Variants in AP2B1 observed in about 807,000 individuals in gnomAD.
AP2B1 encodes adaptor related protein complex 2 subunit beta 1.
In AP2B1, 23 loss-of-function variants were observed where a neutral mutation model predicts 102.0. The ratio of observed to expected loss-of-function variants is 0.23; its 90% CI spans 0.16 to 0.32. The LOEUF is 0.32. AP2B1 is among the 10% of genes least tolerant of loss of function. The pLI, the probability that AP2B1 is intolerant of heterozygous loss-of-function variation, is 1.00. For synonymous variants in AP2B1, 381 were observed against 421.2 expected, an observed-to-expected ratio of 0.90 and a Z score of 1.17; for missense variants, 541 against 1,157.4, an observed-to-expected ratio of 0.47 and a Z score of 7.73.
rs139420802 is a variant in AP2B1, at chr17:35,713,291, G to A, written c.2626+2971G>A. On this transcript the variant is annotated intron_variant, in intron 20 of 21. Transcript: ENST00000610402. Reference sequence around the variant, plus strand: ...TGATACACTGCTCTGTGGCCATGCCGCACATGAAACATAGGGGAAAACAGT... The same window carrying A: ...TGATACACTGCTCTGTGGCCATGCCACACATGAAACATAGGGGAAAACAGT... Among the ~76,000 whole-genome samples, 874 of 152,278 alleles carry A rather than the reference G, an allele frequency of 5.7e-3. 4 individuals are homozygous for A. Among genetic ancestry groups the A allele is most frequent in the Non-Finnish European group, 9.6e-3 (650 of 68,024 alleles).
At chr17:35,680,687 TTTTTTTTTTTTTG>T (rs1465311451) in intron 17 of AP2B1, among the ~76,000 whole-genome samples, 2 of 49,656 alleles carry the variant, frequency 4.0e-5, no homozygotes, top group Admixed American at 1.9e-4. Flanking sequence ...ATGGTTTTGG[TTTTTTTTTTTTTG>T]TTTTTTTTTT....
intron 14 of AP2B1, among the ~76,000 whole-genome samples, chr17:35,670,498 T>C (rs1439358929): frequency 6.6e-6 from 1 of 152,124 alleles, no homozygotes. Flanking sequence ...AAATAAAGCA[T>C]ATTCGAAATA....
chr17:35,705,882 T>C (rs912594875), intron 18 of AP2B1, among the ~76,000 whole-genome samples: 1 of 152,170 alleles, frequency 6.6e-6, no homozygotes, highest in Non-Finnish European at 1.5e-5. Flanking sequence ...ACAGTACTTA[T>C]GAGTCAAGGC....
chr17:35,647,596 T>C (rs569351552), intron 12 of AP2B1, among the ~76,000 whole-genome samples: 3 of 152,314 alleles, frequency 2.0e-5, no homozygotes, highest in Non-Finnish European at 4.4e-5. Context: ...TTTACTGTTT[T>C]AATATTTTAT....
intron 5 of AP2B1, among the ~76,000 whole-genome samples, chr17:35,622,695 C>T (rs2074213821): frequency 6.6e-6 from 1 of 152,170 alleles, no homozygotes; most frequent in Non-Finnish European, 1.5e-5. Flanking sequence ...GACGGAGTCT[C>T]ACTCTGTCGC....
chr17:35,653,938 T>A (rs1032598089), intron 13 of AP2B1, among the ~76,000 whole-genome samples: 1 of 152,242 alleles, frequency 6.6e-6, no homozygotes, highest in East Asian at 1.9e-4. Context: ...ATTTTTCCTG[T>A]CGTCCTTCTA....
At chr17:35,608,100 C>A in intron 4 of AP2B1, 42 bp from the exon 5 acceptor site, 1 of 1,605,216 alleles carries the variant, frequency 6.2e-7, no homozygotes, top group Non-Finnish European at 8.5e-7. Context: ...TTACTTTTAG[C>A]CACCATGTAT....
At chr17:35,641,805 C>T (rs528119539) in intron 11 of AP2B1, 72 bp from the exon 12 acceptor site, 813 of 1,165,580 alleles carry the variant, frequency 7.0e-4, no homozygotes, top group Middle Eastern at 1.5e-3. Context: ...GGGGAAACAC[C>T]ACTTTGGAGA....
chr17:35,608,136 C>G lies in AP2B1; in HGVS notation c.280-6C>G. ...ACCTACAGTTGTTGGTGATTGTTTT[C>G]TGCAGGACTGTGAAGATCCTAATCC... On this transcript the variant is annotated splice_region_variant and splice_polypyrimidine_tract_variant and intron_variant, in intron 4 of 21. Transcript: ENST00000610402. The G allele has an allele frequency of 6.2e-7, 1 of 1,612,694 alleles. No individual in the cohort carries two copies. Among genetic ancestry groups the G allele is most frequent in the South Asian group, 1.1e-5 (1 of 91,004 alleles).
chr17:35,679,277 G>A (rs140163550), intron 17 of AP2B1, among the ~76,000 whole-genome samples: 1 of 152,164 alleles, frequency 6.6e-6, no homozygotes, highest in Non-Finnish European at 1.5e-5. Flanking sequence ...TTGCCTTCAA[G>A]CCCTGTCTTT....
chr17:35,588,750 G>A (rs529415488), intron 1 of AP2B1: 1 of 152,222 alleles, frequency 6.6e-6, no homozygotes, highest in Non-Finnish European at 1.5e-5. Flanking sequence ...ACTGTTTGCA[G>A]TATCTTAGCC....
chr17:35,645,021 G>A (rs994485580), intron 12 of AP2B1, among the ~76,000 whole-genome samples: 14 of 151,080 alleles, frequency 9.3e-5, no homozygotes, highest in African/African-American at 3.4e-4. Flanking sequence ...AATACAGCAA[G>A]ACTCTGTCTC....
chr17:35,605,211 TTCTTTTCTTTTCTTTTC>T (rs2073629113), intron 3 of AP2B1, among the ~76,000 whole-genome samples: 1 of 151,804 alleles, frequency 6.6e-6, no homozygotes, highest in Non-Finnish European at 1.5e-5. Context: ...GGCCTACAGT[TTCTTTTCTTTTCTTTTC>T]TCTTTTCTTT....
At chr17:35,701,691 C>T (rs1158960782) in intron 18 of AP2B1, among the ~76,000 whole-genome samples, 1 of 152,196 alleles carries the variant, frequency 6.6e-6, no homozygotes, top group African/African-American at 2.4e-5. Flanking sequence ...TAACCTTGAA[C>T]TCCTGGACCC....
At chr17:35,689,267 C>T (rs587687186) in intron 18 of AP2B1, among the ~76,000 whole-genome samples, 4 of 152,222 alleles carry the variant, frequency 2.6e-5, no homozygotes, top group Admixed American at 2.6e-4. Context: ...GCAACCTCTG[C>T]CTCCCGGGTT....
At chr17:35,701,798 A>T (rs1341950056) in intron 18 of AP2B1, among the ~76,000 whole-genome samples, 1 of 152,096 alleles carries the variant, frequency 6.6e-6, no homozygotes, top group African/African-American at 2.4e-5. Context: ...TTTTGTTTTG[A>T]TAGAGACAAG....
At chr17:35,707,513 C>T (rs145331548) in intron 18 of AP2B1, among the ~76,000 whole-genome samples, 2,575 of 142,146 alleles carry the variant, frequency 0.018, 50 homozygotes, top group African/African-American at 0.051. Flanking sequence ...AGTGCGGTGG[C>T]GCTATCTCAG....
At chr17:35,655,882 G>A (rs1407888255) in intron 13 of AP2B1, among the ~76,000 whole-genome samples, 1 of 152,188 alleles carries the variant, frequency 6.6e-6, no homozygotes, top group Non-Finnish European at 1.5e-5. Context: ...TTTTCCTGAT[G>A]AGTAAAGTTG....
intron 18 of AP2B1, among the ~76,000 whole-genome samples, chr17:35,697,574 A>G (rs1456468071): frequency 6.6e-6 from 1 of 152,210 alleles, no homozygotes; most frequent in Non-Finnish European, 1.5e-5. Flanking sequence ...CCGACAGGAA[A>G]TGGTGCTGAG....
Sources: allele counts gnomAD v4.1 joint callset (sites outside exome capture counted in the v4.1 genomes callset), GRCh38; gene constraint gnomAD v4.1.1; transcripts MANE v1.5; gene names NCBI Gene and HGNC (gene_info 2026-07-23, HGNC 2026-07-21).